The following HOXB5 variants were observed in gnomAD, a reference collection of about 807,000 sequenced individuals.
HOXB5 encodes the protein homeobox B5, also known as homeobox protein Hox-B5.
HOXB5 carries 10 observed loss-of-function variants against 19.6 expected under a neutral mutation model. The ratio of observed to expected loss-of-function variants is 0.51; its 90% confidence interval spans 0.32 to 0.87. HOXB5 has a LOEUF of 0.87. HOXB5 is among the 40% of genes least tolerant of loss of function. The pLI, the probability that HOXB5 is intolerant of heterozygous loss-of-function variation, is 0.04. For missense variants in HOXB5, 353 were observed against 369.6 expected (o/e 0.96, Z 0.37); for synonymous variants, 167 against 156.9 (o/e 1.06, Z -0.48).
intron 1 of HOXB5, 22 bp downstream of exon 1, chr17:48,593,099 C>T (rs1342518452): frequency 1.7e-6 from 2 of 1,149,142 alleles, no homozygotes; most frequent in South Asian, 1.6e-5. Flanking sequence ...GCCGAGAAGA[C>T]AAAAAAGAGA....
At position 48,593,213 on chromosome 17, in the gene HOXB5, G is replaced by A. The variant is rs951429876; in HGVS notation, c.470C>T (p.Ala157Val). Residue 157 changes from alanine (A) to valine (V), a missense_variant, in exon 1 of 2, where the codon GCG becomes GTG. By Grantham distance (64) the Ala-to-Val change is moderately conservative. Transcript: ENST00000239151. ...SQLSSPSLARAQPEPMATSTA... is the reference protein window; with the variant it reads ...SQLSSPSLARVQPEPMATSTA... Reference sequence around the variant, plus strand: ...GGAGGTGGCCATGGGCTCTGGCTGCGCCCGAGCTAGGCTGGGGCTGCTTAG... The same window carrying A: ...GGAGGTGGCCATGGGCTCTGGCTGCACCCGAGCTAGGCTGGGGCTGCTTAG... 1.9e-6 allele frequency: 3 copies of A among 1,612,222 alleles called. No homozygotes were observed. The highest frequency in any genetic ancestry group is 1.7e-6 in the Non-Finnish European group (2 of 1,178,686).
Position 48,593,705 on chromosome 17 carries a change from A to C in HOXB5, c.-23T>G, listed in dbSNP as rs2070207382. The C allele has an allele frequency of 6.3e-7, 1 of 1,584,960 alleles. No individual in the cohort carries two copies. On this transcript the variant is annotated 5_prime_UTR_variant, in exon 1 of 2. Coordinates refer to ENST00000239151, the MANE Select transcript of HOXB5 (RefSeq NM_002147.4). Reference sequence around the variant, plus strand: ...CATTTGGGTGATTTTGGAGGGCTTGATTTGTGGATCGTGGTCGTTATAACC... The same window carrying C: ...CATTTGGGTGATTTTGGAGGGCTTGCTTTGTGGATCGTGGTCGTTATAACC...
At chr17:48,592,517 G>T (rs1332413386) in intron 1 of HOXB5, 61 bp from the exon 2 acceptor site, 1 of 1,405,506 alleles carries the variant, frequency 7.1e-7, no homozygotes, top group Non-Finnish European at 9.6e-7. Context: ...GGGGGCACTG[G>T]GTGGGAGGGG....
chr17:48,592,120 C>T lies in HOXB5; in HGVS notation c.*89G>A, dbSNP rs2070165695. The T allele has an allele frequency of 6.8e-7, 1 of 1,476,820 alleles. No individual in the cohort carries two copies. Among genetic ancestry groups the T allele is most frequent in the Admixed American group, 2.0e-5 (1 of 49,340 alleles). The allele number at this position is 1,476,820 out of a possible 1,614,324, so 91.5% of individuals were successfully genotyped here. A position where few individuals can be genotyped will look rare whatever the true frequency, so the allele number is the denominator to read the frequency against. On this transcript the variant is annotated 3_prime_UTR_variant, in exon 2 of 2. Transcript: ENST00000239151. The stretch of plus-strand genomic sequence containing the variant: ...AGGCAGGCTTGTGGGAACCGGTCCC[C>T]AGCGGGCGGCGGCAGAGCGGGGAGG...
intron 1 of HOXB5, 132 bp from the exon 2 acceptor site, chr17:48,592,588 C>T (rs1273488370): frequency 7.8e-6 from 7 of 901,288 alleles, no homozygotes; most frequent in South Asian, 1.8e-5. Context: ...ATCCTCTCTA[C>T]TCCAGATGCC....
chr17:48,592,593 G>A (rs1439441147), intron 1 of HOXB5, 137 bp from the exon 2 acceptor site: 3 of 879,242 alleles, frequency 3.4e-6, no homozygotes, highest in Middle Eastern at 3.4e-4. Context: ...CTCTACTCCA[G>A]ATGCCCACAT....
In HOXB5 at chr17:48,592,174, CG is replaced by C. The variant is rs779001071; in HGVS notation, c.*34del. Reference sequence around the variant, plus strand: ...GGAGGGGCCAGGGCTGGGGGTGGCACGGGCTCTTGGGCCGCTGGGCTCCTCT... The same window carrying C: ...GGAGGGGCCAGGGCTGGGGGTGGCACGGCTCTTGGGCCGCTGGGCTCCTCT... On this transcript the variant is annotated 3_prime_UTR_variant, in exon 2 of 2. Coordinates refer to ENST00000239151, the MANE Select transcript of HOXB5 (RefSeq NM_002147.4). The C allele has an allele frequency of 1.2e-6, 2 of 1,600,406 alleles. No homozygotes were observed. The highest frequency in any genetic ancestry group is 2.7e-5 in the African/African-American group (2 of 74,478).
chr17:48,593,062 T>TTCCCCCCCCA, intron 1 of HOXB5, 59 bp downstream of exon 1: 1 of 393,980 alleles, frequency 2.5e-6, no homozygotes, highest in South Asian at 2.5e-5. Flanking sequence ...GTCCCCCCGA[T>TTCCCCCCCCA]CCCACCCCAA....
chr17:48,593,472 C>G lies in HOXB5; in HGVS notation c.211G>C (p.Glu71Gln). The G allele has an allele frequency of 6.2e-7, 1 of 1,612,458 alleles. No homozygotes were observed. The highest frequency in any genetic ancestry group is 1.1e-5 in the South Asian group (1 of 91,026). ...ASSSHFGAVG[E>Q]SSRAFPAPAQ... Reference sequence around the variant, plus strand: ...GGCGCGGGGAAGGCGCGCGAGCTCTCGCCCACCGCCCCAAAGTGGCTGGAG... The same window carrying G: ...GGCGCGGGGAAGGCGCGCGAGCTCTGGCCCACCGCCCCAAAGTGGCTGGAG... Residue 71 changes from glutamate to glutamine, a missense_variant, in exon 1 of 2, where the codon GAG becomes CAG. By Grantham distance (29) the Glu-to-Gln change is conservative. Coordinates refer to ENST00000239151, the MANE Select transcript of HOXB5 (RefSeq NM_002147.4).
rs2070168594 is a variant in HOXB5 at position 48,592,190 on chromosome 17, TG to T, written c.*18del. ...GGGGTGGCACGGGCTCTTGGGCCGC[TG>T]GGCTCCTCTGGGCGGGCTCAGGGCT... On this transcript the variant is annotated 3_prime_UTR_variant, in exon 2 of 2. Coordinates refer to ENST00000239151, the MANE Select transcript of HOXB5 (RefSeq NM_002147.4). 1.2e-6 allele frequency: 2 copies of T among 1,608,752 alleles called. No homozygotes were observed. Among genetic ancestry groups the T allele is most frequent in the East Asian group, 4.5e-5 (2 of 44,774 alleles).
chr17:48,592,069 CA>C lies in HOXB5; in HGVS notation c.*139del. ...AGGGAGCCACAGGAAGACCTAAGAC[CA>C]AACGAAATATCGTAACACAAGGCGA... On this transcript the variant is annotated 3_prime_UTR_variant, in exon 2 of 2. Coordinates refer to ENST00000239151, the MANE Select transcript of HOXB5 (RefSeq NM_002147.4). 1.1e-6 allele frequency: 1 copy of C among 928,796 alleles called. No homozygotes were observed. The highest frequency in any genetic ancestry group is 1.6e-6 in the Non-Finnish European group (1 of 628,284). The allele number at this position is 928,796 out of a possible 1,614,324, so 57.5% of individuals were successfully genotyped here.
chr17:48,591,267 G>C lies in HOXB5; in HGVS notation c.*942C>G, dbSNP rs866364606. 1 of 152,708 alleles carries C rather than the reference G, an allele frequency of 6.5e-6. No individual in the cohort carries two copies. The highest frequency in any genetic ancestry group is 1.5e-5 in the Non-Finnish European group (1 of 68,086). 9.5% of individuals were successfully genotyped at this position (152,708 alleles called of 1,614,324 possible). Reference sequence around the variant, plus strand: ...CAAGTGGAAGGGCAATGGAGTGGGGGAAACATTTATTTGACTTCCAGGAAA... The same window carrying C: ...CAAGTGGAAGGGCAATGGAGTGGGGCAAACATTTATTTGACTTCCAGGAAA... On this transcript the variant is annotated 3_prime_UTR_variant, in exon 2 of 2. Transcript: ENST00000239151.
chr17:48,592,062 C>T lies in HOXB5; in HGVS notation c.*147G>A. On this transcript the variant is annotated 3_prime_UTR_variant, in exon 2 of 2. Transcript: ENST00000239151. ...AGGAGAGAGGGAGCCACAGGAAGACCTAAGACCAAACGAAATATCGTAACA... is the reference window on the plus strand; with the variant it reads ...AGGAGAGAGGGAGCCACAGGAAGACTTAAGACCAAACGAAATATCGTAACA... 1 of 811,560 alleles carries T rather than the reference C, an allele frequency of 1.2e-6. No individual in the cohort carries two copies. The allele number at this position is 811,560 out of a possible 1,614,324, so 50.3% of individuals were successfully genotyped here.
rs1295438264 is a variant in HOXB5, at chr17:48,593,297, T to C, written c.386A>G (p.Asn129Ser). Residue 129 changes from asparagine to serine, a missense_variant, in exon 1 of 2, where the codon AAT (asparagine) becomes AGT (serine). Coordinates refer to ENST00000239151, the MANE Select transcript of HOXB5 (RefSeq NM_002147.4). ...GCTGGCCTCGTCTATTTCGGTGAAATTGGCGCTGGAGCTGGCTGAGGTCGC... is the reference window on the plus strand; with the variant it reads ...GCTGGCCTCGTCTATTTCGGTGAAACTGGCGCTGGAGCTGGCTGAGGTCGC... ...DQATSASSSA[N>S]FTEIDEASAS... 3.1e-6 allele frequency: 5 copies of C among 1,613,066 alleles called. No individual in the cohort carries two copies. In the African/African-American group the frequency reaches 4.0e-5, roughly 13 times the overall value.
At position 48,592,449 on chromosome 17, in the gene HOXB5, G is replaced by C. The variant is rs201570571; in HGVS notation, c.570C>G (p.Thr190=). ...MRKLHISHDM[T]GPDGKRARTA... The stretch of plus-strand genomic sequence containing the variant: ...TCCGGGCCCTTTTCCCGTCCGGCCC[G>C]GTCATATCTGGAGCAGATAGAGGAA... Residue 190 remains threonine, a synonymous_variant, in exon 2 of 2, where the codon ACC becomes ACG. Transcript: ENST00000239151. The C allele has an allele frequency of 7.1e-6, 11 of 1,558,618 alleles. No homozygotes were observed. In the African/African-American group the frequency reaches 8.2e-5, roughly 12 times the overall value.
rs555472688 is a variant in HOXB5 at position 48,592,308 on chromosome 17, C to T, written c.711G>A (p.Gln237=). 7.6e-5 allele frequency: 122 copies of T among 1,614,124 alleles called. No homozygotes were observed. In the South Asian group the frequency reaches 1.2e-3, roughly 16 times the overall value. ...GCCGGTTCTGGAACCAGATCTTGAT[C>T]TGGCGCTCGGACAGGCAGAGTGCGT... The part of the protein sequence containing the change: ...IAHALCLSER[Q]IKIWFQNRRM... Residue 237 remains glutamine (Q), a synonymous_variant, in exon 2 of 2, where the codon CAG becomes CAA. Transcript: ENST00000239151.
At chr17:48,593,077 C>T in intron 1 of HOXB5, 44 bp downstream of exon 1, 1 of 1,061,724 alleles carries the variant, frequency 9.4e-7, no homozygotes, top group Non-Finnish European at 1.3e-6. Context: ...CCCCAAAACG[C>T]AGAGAAGGAA....
In HOXB5 at chr17:48,593,457, A is replaced by G. The variant is rs1379568363; in HGVS notation, c.226T>C (p.Phe76Leu). Residue 76 changes from phenylalanine (F) to leucine (L), a missense_variant, in exon 1 of 2, where the codon TTC becomes CTC. Coordinates refer to ENST00000239151, the MANE Select transcript of HOXB5 (RefSeq NM_002147.4). ...FGAVGESSRA[F>L]PAPAQEPRFR... The stretch of plus-strand genomic sequence containing the variant: ...CGGGGCTCCTGGGCGGGCGCGGGGA[A>G]GGCGCGCGAGCTCTCGCCCACCGCC... The G allele has an allele frequency of 3.1e-6, 5 of 1,611,200 alleles. No individual in the cohort carries two copies. In the East Asian group the frequency reaches 8.9e-5, roughly 29 times the overall value.
chr17:48,592,348 C>A lies in HOXB5; in HGVS notation c.671G>T (p.Arg224Leu). The change falls in exon 2 of 2, where the codon CGC (arginine) becomes CTC (leucine). Residue 224 changes from arginine to leucine, a missense_variant. By Grantham distance (102) the Arg-to-Leu change is moderately radical (BLOSUM62 -2). Transcript: ENST00000239151. Reference protein sequence around the residue: ...HFNRYLTRRRRIEIAHALCLS... With the variant: ...HFNRYLTRRRLIEIAHALCLS... ...GCAGAGTGCGTGGGCGATCTCGATGCGCCGTCGCCGGGTCAGGTAGCGGTT... is the reference window on the plus strand; with the variant it reads ...GCAGAGTGCGTGGGCGATCTCGATGAGCCGTCGCCGGGTCAGGTAGCGGTT... The A allele has an allele frequency of 6.2e-7, 1 of 1,614,146 alleles. No homozygotes were observed. The highest frequency in any genetic ancestry group is 8.5e-7 in the Non-Finnish European group (1 of 1,180,034).
Sources: gnomAD v4.1 joint callset for allele counts on GRCh38, gnomAD v4.1.1 for gene constraint, MANE v1.5 for transcripts, NCBI Gene and HGNC (gene_info 2026-07-23, HGNC 2026-07-21) for gene names.